BMP1: variants seen among roughly 807,000 people sequenced by gnomAD.
BMP1 encodes the protein bone morphogenetic protein 1, also known as mammalian tolloid protein.
A neutral mutation model predicts 116.8 loss-of-function variants in BMP1; 63 were observed. The observed-to-expected ratio is 0.54, with a 90% confidence interval of 0.44 to 0.67. BMP1 has a LOEUF of 0.67. Among genes scored for constraint, BMP1 ranks in the 30% least tolerant of loss-of-function variants. The probability of loss-of-function intolerance (pLI) is 0.00; values close to 1 mark genes in which losing one functional copy is unlikely to be tolerated. For missense variants in BMP1, 1,183 were observed against 1,358.9 expected, an observed-to-expected ratio of 0.87 and a Z score of 2.04; for synonymous variants, 536 against 533.4, an observed-to-expected ratio of 1.00 and a Z score of -0.07.
At chr8:22,199,158 T>C (rs1294860420) in intron 15 of BMP1, 1 of 1,367,012 alleles carries the variant, frequency 7.3e-7, no homozygotes, top group Non-Finnish European at 9.8e-7. Context: ...CGCACACACA[T>C]GTGCACACAC....
rs767778995 is a variant in BMP1, at chr8:22,165,561, C to T, written c.148+8C>T. ...AAGACCCCTGCAAGGCGGGTGAGCG[C>T]CCCCCGGCCCCCCGGCGACGGGCCA... On this transcript the variant is annotated splice_region_variant and intron_variant, in intron 1 of 19. Transcript: ENST00000306385. The T allele has an allele frequency of 2.5e-6, 4 of 1,568,854 alleles. No individual in the cohort carries two copies. The highest frequency in any genetic ancestry group is 3.8e-5 in the Admixed American group (2 of 52,798).
intron 1 of BMP1, among the ~76,000 whole-genome samples, chr8:22,167,636 G>A (rs552999856): frequency 6.6e-6 from 1 of 152,206 alleles, no homozygotes; most frequent in African/African-American, 2.4e-5. Context: ...GGCTGAGTTG[G>A]AGCTTCAAGT....
intron 8 of BMP1, among the ~76,000 whole-genome samples, chr8:22,180,854 A>C (rs1828599958): frequency 1.3e-5 from 2 of 152,202 alleles, no homozygotes; most frequent in Admixed American, 1.3e-4. Context: ...TAACTTGCCC[A>C]AGGTCACACA....
At chr8:22,187,492 G>A (rs1243413613) in intron 8 of BMP1, among the ~76,000 whole-genome samples, 3 of 146,564 alleles carry the variant, frequency 2.0e-5, no homozygotes, top group East Asian at 1.9e-4. Flanking sequence ...CACCACGCCC[G>A]GCTAATTTTT....
Position 22,192,096 on chromosome 8 carries a change from C to G in BMP1, c.1125C>G (p.Cys375Trp), listed in dbSNP as rs1828949490. ...TSLDLYRSRLCWYDYVEVRDG... is the reference protein window; with the variant it reads ...TSLDLYRSRLWWYDYVEVRDG... The stretch of plus-strand genomic sequence containing the variant: ...TGGACCTGTACCGCAGCCGCCTGTG[C>G]TGGTACGACTATGTGGAGGTCCGAG... The change falls in exon 9 of 20, where the codon TGC (cysteine) becomes TGG (tryptophan). Residue 375 changes from cysteine to tryptophan, a missense_variant. Physicochemically the swap from Cys to Trp is radical, Grantham distance 215 (BLOSUM62 -2). Transcript: ENST00000306385. The G allele has an allele frequency of 3.1e-6, 5 of 1,613,888 alleles. No homozygotes were observed. Among genetic ancestry groups the G allele is most frequent in the Non-Finnish European group, 3.4e-6 (4 of 1,179,916 alleles).
intron 19 of BMP1, among the ~76,000 whole-genome samples, chr8:22,210,468 T>TCTCTCTCTCTCTCACACACA (rs10664439): frequency 5.3e-4 from 72 of 135,556 alleles, no homozygotes; most frequent in African/African-American, 8.9e-4. Context: ...TCTCTCTCTC[T>TCTCTCTCTCTCTCACACACA]CACACACATA....
chr8:22,174,627 CTTT>C (rs57781366), intron 2 of BMP1, among the ~76,000 whole-genome samples: 2 of 106,280 alleles, frequency 1.9e-5, no homozygotes, highest in Non-Finnish European at 3.7e-5. Context: ...TTTTTTCTGT[CTTT>C]TTTTTTTTTT....
chr8:22,196,542 G>A lies in BMP1; in HGVS notation c.1766-138G>A, dbSNP rs1398970625. On this transcript the variant is annotated intron_variant, in intron 13 of 19. Transcript: ENST00000306385. ...CCTGCCTCCTCCCGTCCGCCCCAGA[G>A]GGACCAGACACAGGTCCCTGAGCCT... 2.2e-6 allele frequency: 3 copies of A among 1,346,808 alleles called. No homozygotes were observed. The East Asian group carries it at 7.0e-5, about 31-fold the overall frequency. 83.4% of individuals were successfully genotyped at this position (1,346,808 alleles called of 1,614,324 possible). A position where few individuals can be genotyped will look rare whatever the true frequency, so the allele number is the denominator to read the frequency against.
At position 22,177,250 on chromosome 8, in the gene BMP1, G is replaced by A; in HGVS notation, c.730+111G>A. 3.5e-6 allele frequency: 4 copies of A among 1,158,194 alleles called. No homozygotes were observed. The South Asian group carries it at 6.1e-5, about 18-fold the overall frequency. 71.7% of individuals were successfully genotyped at this position (1,158,194 alleles called of 1,614,324 possible). A position where few individuals can be genotyped will look rare whatever the true frequency, so the allele number is the denominator to read the frequency against. On this transcript the variant is annotated intron_variant, in intron 5 of 19. Coordinates refer to ENST00000306385, the MANE Select transcript of BMP1 (RefSeq NM_006129.5). Reference sequence around the variant, plus strand: ...GCTCCAGCCAGCCGTCATCGCCTGGGCCCGCAGCGCTGCCCACAGCCTGGG... The same window carrying A: ...GCTCCAGCCAGCCGTCATCGCCTGGACCCGCAGCGCTGCCCACAGCCTGGG...
At chr8:22,177,790 G>C (rs751622746) in intron 5 of BMP1, 62 bp from the exon 6 acceptor site, 2 of 1,242,326 alleles carry the variant, frequency 1.6e-6, no homozygotes, top group Non-Finnish European at 2.3e-6. Flanking sequence ...GAAAGTGAGC[G>C]TTGCATCCCA....
At chr8:22,187,238 G>A (rs993898853) in intron 8 of BMP1, among the ~76,000 whole-genome samples, 5 of 152,100 alleles carry the variant, frequency 3.3e-5, no homozygotes, top group East Asian at 1.9e-4. Flanking sequence ...TGATCTGCCC[G>A]CCTGGGCCTC....
At chr8:22,192,302 A>G (rs1828958285) in intron 9 of BMP1, 151 bp downstream of exon 9, 1 of 624,400 alleles carries the variant, frequency 1.6e-6, no homozygotes, top group African/African-American at 1.8e-5. Flanking sequence ...TTAGTCCCAG[A>G]TAGCTGCATT....
In BMP1 at chr8:22,182,148, T is replaced by C. The variant is rs1488990029; in HGVS notation, c.1077+1665T>C. ...TGGTTCTTAATGTCATAGTGCAGCGTTGAGCTGGATTCAATTCTATTATTG... is the reference window on the plus strand; with the variant it reads ...TGGTTCTTAATGTCATAGTGCAGCGCTGAGCTGGATTCAATTCTATTATTG... On this transcript the variant is annotated intron_variant, in intron 8 of 19. Transcript: ENST00000306385. Among the ~76,000 whole-genome samples, 5 of 152,386 alleles carry C rather than the reference T, an allele frequency of 3.3e-5. No individual in the cohort carries two copies. In the South Asian group the frequency reaches 6.2e-4, roughly 19 times the overall value.
At chr8:22,166,666 G>C (rs1217738010) in intron 1 of BMP1, among the ~76,000 whole-genome samples, 1 of 152,352 alleles carries the variant, frequency 6.6e-6, no homozygotes, top group Non-Finnish European at 1.5e-5. Flanking sequence ...GGAGGGGCAG[G>C]TTGCTCTAGT....
chr8:22,209,311 C>T (rs933621848), intron 18 of BMP1, 134 bp from the exon 19 acceptor site: 8 of 1,433,956 alleles, frequency 5.6e-6, no homozygotes, highest in Non-Finnish European at 7.4e-6. Flanking sequence ...GCCAGGCCCC[C>T]ACCCACCCAT....
intron 8 of BMP1, among the ~76,000 whole-genome samples, chr8:22,185,313 A>G (rs1444628508): frequency 2.0e-5 from 3 of 151,794 alleles, no homozygotes; most frequent in Non-Finnish European, 4.4e-5. Context: ...TTAGCTGGGC[A>G]TGGTGGTGCA....
At chr8:22,171,658 A>C (rs929143803) in intron 1 of BMP1, 1 of 152,144 alleles carries the variant, frequency 6.6e-6, no homozygotes, top group Non-Finnish European at 1.5e-5. Context: ...TGGTTGCTGC[A>C]CTGGGAATGG....
chr8:22,186,071 G>T (rs1051778344), intron 8 of BMP1, among the ~76,000 whole-genome samples: 1 of 151,730 alleles, frequency 6.6e-6, no homozygotes, highest in African/African-American at 2.4e-5. Context: ...CCTGACCTCA[G>T]GCGATCCGCC....
At position 22,195,370 on chromosome 8, in the gene BMP1, G is replaced by A. The variant is rs11995171; in HGVS notation, c.1640-92G>A. The A allele has an allele frequency of 1.9e-3, 2,744 of 1,475,360 alleles. 50 individuals carry two copies. The African/African-American group carries it at 0.036, about 19-fold the overall frequency. 91.4% of individuals were successfully genotyped at this position (1,475,360 alleles called of 1,614,324 possible). The stretch of plus-strand genomic sequence containing the variant: ...GGTTCCAGCCATCGGGGAGCTGGGT[G>A]GGTCTTGGGGCTGAGTGGACAAGTG... On this transcript the variant is annotated intron_variant, in intron 12 of 19. Coordinates refer to ENST00000306385, the MANE Select transcript of BMP1 (RefSeq NM_006129.5).
Sources: gnomAD v4.1 joint callset for allele counts (sites outside exome capture counted in the v4.1 genomes callset) on GRCh38, gnomAD v4.1.1 for gene constraint, MANE v1.5 for transcripts, NCBI Gene and HGNC (gene_info 2026-07-23, HGNC 2026-07-21) for gene names.